HS6ST3: variants seen among roughly 807,000 people sequenced by gnomAD.
HS6ST3 encodes heparan sulfate 6-O-sulfotransferase 3, also known as heparan-sulfate 6-O-sulfotransferase 3.
Under a neutral mutation model 36.7 loss-of-function variants are expected in HS6ST3, and 12 were observed. The ratio of observed to expected loss-of-function variants is 0.33; its 90% CI spans 0.21 to 0.53. The LOEUF is 0.53. Ranked by LOEUF, HS6ST3 falls within the 20% of genes least tolerant of loss-of-function variation. The probability of loss-of-function intolerance (pLI) is 0.95; values close to 1 mark genes in which losing one functional copy is unlikely to be tolerated. For synonymous variants in HS6ST3, 240 were observed against 257.5 expected (o/e 0.93, Z 0.65); for missense variants, 584 against 640.9 (o/e 0.91, Z 0.96).
intron 1 of HS6ST3, among the ~76,000 whole-genome samples, chr13:96,169,341 T>C (rs552274819): frequency 2.0e-5 from 3 of 151,998 alleles, no homozygotes; most frequent in South Asian, 4.2e-4. Flanking sequence ...TAAATAACAC[T>C]GCTATAGGAA....
intron 1 of HS6ST3, among the ~76,000 whole-genome samples, chr13:96,567,574 AC>A (rs1410011161): frequency 6.6e-6 from 1 of 152,168 alleles, no homozygotes; most frequent in Non-Finnish European, 1.5e-5. Context: ...TTACACACAC[AC>A]CCTCTTTAAA....
At chr13:96,132,730 TC>T (rs1483791682) in intron 1 of HS6ST3, among the ~76,000 whole-genome samples, 4 of 152,156 alleles carry the variant, frequency 2.6e-5, no homozygotes, top group African/African-American at 9.7e-5. Flanking sequence ...TAATTTATAC[TC>T]CCCATCAATA....
At chr13:96,345,018 C>G (rs1453691240) in intron 1 of HS6ST3, among the ~76,000 whole-genome samples, 1 of 152,160 alleles carries the variant, frequency 6.6e-6, no homozygotes, top group African/African-American at 2.4e-5. Context: ...AAATTATCTT[C>G]AGGTTTCATA....
At chr13:96,799,104 T>A (rs9582065) in intron 1 of HS6ST3, among the ~76,000 whole-genome samples, 23,146 of 152,082 alleles carry the variant, frequency 0.15, 2,250 homozygotes, top group African/African-American at 0.28. Flanking sequence ...TTACTGGGTA[T>A]TAGGGCTTCG....
intron 1 of HS6ST3, among the ~76,000 whole-genome samples, chr13:96,306,714 T>G (rs980737041): frequency 6.6e-6 from 1 of 152,140 alleles, no homozygotes; most frequent in Non-Finnish European, 1.5e-5. Flanking sequence ...TGTTCTTGCT[T>G]CTGTGTGCAC....
chr13:96,663,012 G>T, intron 1 of HS6ST3, among the ~76,000 whole-genome samples: 1 of 152,114 alleles, frequency 6.6e-6, no homozygotes, highest in South Asian at 2.1e-4. Flanking sequence ...GATGCCTGCT[G>T]CCCTAAGTTC....
intron 1 of HS6ST3, among the ~76,000 whole-genome samples, chr13:96,563,617 G>A (rs981658616): frequency 1.3e-5 from 2 of 152,212 alleles, no homozygotes; most frequent in Non-Finnish European, 2.9e-5. Flanking sequence ...GCTGGTCACA[G>A]TGGGGCAGGC....
chr13:96,772,701 G>A (rs1206451229), intron 1 of HS6ST3, among the ~76,000 whole-genome samples: 2 of 152,174 alleles, frequency 1.3e-5, no homozygotes, highest in African/African-American at 2.4e-5. Context: ...GTTCATGAAT[G>A]GGTATATAAT....
intron 1 of HS6ST3, among the ~76,000 whole-genome samples, chr13:96,614,560 A>G (rs2056467646): frequency 6.6e-6 from 1 of 152,154 alleles, no homozygotes; most frequent in South Asian, 2.1e-4. Context: ...GAAGCAGCTT[A>G]TGTTGTGAAT....
intron 1 of HS6ST3, among the ~76,000 whole-genome samples, chr13:96,658,762 A>G (rs900555013): frequency 5.3e-5 from 8 of 151,260 alleles, no homozygotes; most frequent in African/African-American, 1.7e-4. Flanking sequence ...CTGGAGTGCA[A>G]TGGCATGATC....
At chr13:96,487,368 G>C (rs1246041949) in intron 1 of HS6ST3, among the ~76,000 whole-genome samples, 3 of 152,080 alleles carry the variant, frequency 2.0e-5, no homozygotes, top group Admixed American at 6.6e-5. Flanking sequence ...GTTGATGTTG[G>C]CTTAGGTTGG....
At chr13:96,251,827 C>T (rs554927124) in intron 1 of HS6ST3, among the ~76,000 whole-genome samples, 43 of 151,896 alleles carry the variant, frequency 2.8e-4, no homozygotes, top group African/African-American at 8.9e-4. Flanking sequence ...TTGGTTGTTC[C>T]GGAGTGTGTT....
At chr13:96,735,951 G>A (rs983717633) in intron 1 of HS6ST3, among the ~76,000 whole-genome samples, 2 of 152,102 alleles carry the variant, frequency 1.3e-5, no homozygotes, top group African/African-American at 2.4e-5. Context: ...ATTATCCTCA[G>A]GAAACTAACA....
chr13:96,540,888 G>A (rs1369416681), intron 1 of HS6ST3, among the ~76,000 whole-genome samples: 2 of 152,154 alleles, frequency 1.3e-5, no homozygotes, highest in African/African-American at 2.4e-5. Context: ...CTCAAGGAGT[G>A]TAGAGTCAGA....
chr13:96,629,615 T>C (rs946876744), intron 1 of HS6ST3, among the ~76,000 whole-genome samples: 1 of 152,214 alleles, frequency 6.6e-6, no homozygotes, highest in African/African-American at 2.4e-5. Flanking sequence ...TTAATTGTTC[T>C]TTTGTAAGTG....
chr13:96,549,201 T>C (rs2056209555), intron 1 of HS6ST3, among the ~76,000 whole-genome samples: 1 of 147,678 alleles, frequency 6.8e-6, no homozygotes, highest in South Asian at 2.1e-4. Context: ...CAGACCTCCC[T>C]TTTTTTTTTG....
chr13:96,297,654 G>T (rs1441381006), intron 1 of HS6ST3, among the ~76,000 whole-genome samples: 1 of 152,000 alleles, frequency 6.6e-6, no homozygotes, highest in South Asian at 2.1e-4. Flanking sequence ...TTTTTTCTAA[G>T]TATAGTTCTC....
intron 1 of HS6ST3, among the ~76,000 whole-genome samples, chr13:96,166,159 G>A (rs2139331595): frequency 6.6e-6 from 1 of 152,188 alleles, no homozygotes; most frequent in East Asian, 1.9e-4. Flanking sequence ...TTAGGCTCAA[G>A]CAGTCCTCCT....
chr13:96,199,581 A>T (rs2054331240), intron 1 of HS6ST3, among the ~76,000 whole-genome samples: 1 of 152,206 alleles, frequency 6.6e-6, no homozygotes, highest in African/African-American at 2.4e-5. Context: ...ACCATTAAAT[A>T]TCTATTGATT....
Sources: gnomAD v4.1 joint callset for allele counts (sites outside exome capture counted in the v4.1 genomes callset) on GRCh38, gnomAD v4.1.1 for gene constraint, MANE v1.5 for transcripts, NCBI Gene and HGNC (gene_info 2026-07-23, HGNC 2026-07-21) for gene names.